LPP: variants seen among roughly 807,000 people sequenced by gnomAD.
The protein encoded by LPP is LIM domain containing preferred translocation partner in lipoma.
A neutral mutation model predicts 60.4 loss-of-function variants in LPP; 38 were observed. That is an observed-to-expected ratio of 0.63 (90% CI 0.49 to 0.83). LPP has a LOEUF of 0.83. LPP is among the 40% of genes least tolerant of loss of function. LPP has a pLI of 0.00. For missense variants in LPP, 902 were observed against 783.6 expected (o/e 1.15, Z -1.80); for synonymous variants, 328 against 290.8 (o/e 1.13, Z -1.30).
At chr3:188,321,240 T>C (rs1756871014) in intron 2 of LPP, among the ~76,000 whole-genome samples, 1 of 152,240 alleles carries the variant, frequency 6.6e-6, no homozygotes, top group South Asian at 2.1e-4. Flanking sequence ...AGGTGGGAGA[T>C]GTGCTGTATA....
intron 1 of LPP, among the ~76,000 whole-genome samples, chr3:188,196,805 G>T (rs558309400): frequency 6.6e-6 from 1 of 152,266 alleles, no homozygotes; most frequent in African/African-American, 2.4e-5. Flanking sequence ...AGATGATCTT[G>T]TGCTCTAGGA....
chr3:188,179,356 C>T (rs1330021550), intron 1 of LPP: 4 of 458,020 alleles, frequency 8.7e-6, no homozygotes, highest in Non-Finnish European at 1.8e-5. Flanking sequence ...CCTAGGCCCC[C>T]GCCTTCAGCT....
chr3:188,388,384 G>T (rs1778873808), intron 3 of LPP, among the ~76,000 whole-genome samples: 3 of 152,100 alleles, frequency 2.0e-5, no homozygotes, highest in Admixed American at 2.0e-4. Flanking sequence ...CAATAAACAG[G>T]CAAAATAGGT....
chr3:188,320,941 G>A (rs1258529588), intron 2 of LPP, among the ~76,000 whole-genome samples: 1 of 152,172 alleles, frequency 6.6e-6, no homozygotes, highest in Non-Finnish European at 1.5e-5. Context: ...TATCCCAGTG[G>A]CCAGTGTGAG....
intron 4 of LPP, among the ~76,000 whole-genome samples, chr3:188,462,864 T>C (rs559851229): frequency 6.6e-6 from 1 of 152,088 alleles, no homozygotes; most frequent in East Asian, 1.9e-4. Context: ...TCCAGCACTT[T>C]GGGAGGCCGA....
At chr3:188,249,829 TACACAC>T (rs61215623) in intron 2 of LPP, among the ~76,000 whole-genome samples, 2,045 of 111,182 alleles carry the variant, frequency 0.018, 29 homozygotes, top group South Asian at 0.037. Flanking sequence ...TTTCTCTGTC[TACACAC>T]ACACACACAC....
chr3:188,176,294 T>G (rs1052523406), intron 1 of LPP, among the ~76,000 whole-genome samples: 2 of 152,162 alleles, frequency 1.3e-5, no homozygotes, highest in East Asian at 3.9e-4. Context: ...TTCTGGGATT[T>G]CTTGCTTTCT....
chr3:188,753,849 C>T (rs2150362206), intron 8 of LPP, among the ~76,000 whole-genome samples: 1 of 152,036 alleles, frequency 6.6e-6, no homozygotes, highest in African/African-American at 2.4e-5. Context: ...AGCCACCTTT[C>T]CCCCACTAGC....
intron 8 of LPP, among the ~76,000 whole-genome samples, chr3:188,738,203 T>A (rs1348079216): frequency 6.6e-6 from 1 of 152,196 alleles, no homozygotes; most frequent in Admixed American, 6.5e-5. Context: ...AAAGTGTTTT[T>A]TTTCAAATGA....
At chr3:188,770,124 A>T (rs986721865) in intron 9 of LPP, among the ~76,000 whole-genome samples, 3 of 151,600 alleles carry the variant, frequency 2.0e-5, no homozygotes, top group African/African-American at 7.3e-5. Context: ...CAGAAAGAAA[A>T]TAGGAAAGGA....
In LPP at chr3:188,616,224, A is replaced by T. The variant is rs143863069; in HGVS notation, c.1113+6380A>T. On this transcript the variant is annotated intron_variant, in intron 7 of 11. Coordinates refer to ENST00000617246, the MANE Select transcript of LPP (RefSeq NM_001375462.1). ...GTTTTTATGCTTGCTTTTGGGTTTT[A>T]CATTTAAGTATTTAATCCATCTTGA... is the stretch of plus-strand genomic sequence containing the variant. Among the ~76,000 whole-genome samples, 614 of 152,160 alleles carry T rather than the reference A, an allele frequency of 4.0e-3. 2 individuals are homozygous for T. Among genetic ancestry groups the T allele is most frequent in the African/African-American group, 0.014 (578 of 41,494 alleles).
chr3:188,650,101 A>G (rs1004037517), intron 7 of LPP, among the ~76,000 whole-genome samples: 20 of 152,198 alleles, frequency 1.3e-4, no homozygotes, highest in Admixed American at 1.3e-4. Flanking sequence ...GCATCCATCC[A>G]TCCATTCATT....
At chr3:188,804,182 C>G (rs573128853) in intron 9 of LPP, among the ~76,000 whole-genome samples, 2 of 125,504 alleles carry the variant, frequency 1.6e-5, no homozygotes, top group East Asian at 4.9e-4. Context: ...ATTCTAGTAG[C>G]TTTTTTTTTA....
intron 1 of LPP, among the ~76,000 whole-genome samples, chr3:188,164,970 T>C (rs1719495071): frequency 6.6e-6 from 1 of 151,948 alleles, no homozygotes; most frequent in Non-Finnish European, 1.5e-5. Flanking sequence ...TGTAGAAGTA[T>C]ATGCAAAAAA....
At chr3:188,364,259 T>C (rs537352926) in intron 3 of LPP, among the ~76,000 whole-genome samples, 1 of 152,352 alleles carries the variant, frequency 6.6e-6, no homozygotes, top group Non-Finnish European at 1.5e-5. Flanking sequence ...TCTTCATATC[T>C]AGTTTCATAC....
chr3:188,269,967 C>T (rs73059691), intron 2 of LPP, among the ~76,000 whole-genome samples: 17,274 of 151,854 alleles, frequency 0.11, 1,331 homozygotes, highest in African/African-American at 0.21. Flanking sequence ...TTTTTAGTAT[C>T]AGTTTTTTCT....
chr3:188,477,893 C>T (rs2149591147), intron 4 of LPP, among the ~76,000 whole-genome samples: 1 of 151,754 alleles, frequency 6.6e-6, no homozygotes, highest in Admixed American at 6.6e-5. Flanking sequence ...CTGTCCTAGG[C>T]CTTGAATGCT....
chr3:188,359,777 C>G lies in LPP; in HGVS notation c.-10+18058C>G, dbSNP rs1560293878. 3.3e-5 allele frequency among the ~76,000 whole-genome samples: 5 copies of G among 152,282 alleles called. No homozygotes were observed. In the South Asian group the frequency reaches 1.0e-3, roughly 32 times the overall value. ...ATTTGTCTGCTGAACTCATCTGTCT[C>G]CAGGTTGTAAATGAGATTCTCCTCT... On this transcript the variant is annotated intron_variant, in intron 3 of 11. Transcript: ENST00000617246.
At chr3:188,669,353 G>A (rs1031641394) in intron 7 of LPP, among the ~76,000 whole-genome samples, 1 of 152,092 alleles carries the variant, frequency 6.6e-6, no homozygotes, top group African/African-American at 2.4e-5. Context: ...GAGGCGGGCG[G>A]ATCACGAAGT....
Sources: gnomAD v4.1 joint callset for allele counts (sites outside exome capture counted in the v4.1 genomes callset) on GRCh38, gnomAD v4.1.1 for gene constraint, MANE v1.5 for transcripts, NCBI Gene and HGNC (gene_info 2026-07-23, HGNC 2026-07-21) for gene names.